CHDH: variants seen among roughly 807,000 people sequenced by gnomAD.
CHDH encodes choline dehydrogenase, mitochondrial.
In CHDH, 43 loss-of-function variants were observed where a neutral mutation model predicts 56.9. The ratio of observed to expected loss-of-function variants is 0.76; its 90% CI spans 0.59 to 0.97. The LOEUF (loss-of-function observed/expected upper bound fraction) is 0.97, where lower values mean the gene tolerates loss of function less well. Ranked by LOEUF, CHDH falls within the 50% of genes least tolerant of loss-of-function variation. The probability of loss-of-function intolerance (pLI) is 0.00; values close to 1 mark genes in which losing one functional copy is unlikely to be tolerated. For missense variants in CHDH, 816 were observed against 821.1 expected, an observed-to-expected ratio of 0.99 and a Z score of 0.08; for synonymous variants, 364 against 348.5, an observed-to-expected ratio of 1.04 and a Z score of -0.50.
At chr3:53,818,786 A>G in intron 8 of CHDH, 152 bp downstream of exon 8, 1 of 690,408 alleles carries the variant, frequency 1.4e-6, no homozygotes, top group Non-Finnish European at 2.7e-6. Context: ...CTGCCTATGC[A>G]AGTTTACAGC....
intron 2 of CHDH, among the ~76,000 whole-genome samples, chr3:53,833,557 G>A (rs561645062): frequency 1.3e-5 from 2 of 152,342 alleles, no homozygotes; most frequent in African/African-American, 2.4e-5. Flanking sequence ...AGGATGGAAG[G>A]TGGGCAGGAA....
At position 53,823,980 on chromosome 3, in the gene CHDH, C is replaced by T. The variant is rs781640035; in HGVS notation, c.29G>A (p.Arg10Gln). ...GGCTCCCCGTGCCAGGGCTCCAGGCCGGCCCAGGCCTCGTAGGAGACACCA... is the reference window on the plus strand; with the variant it reads ...GGCTCCCCGTGCCAGGGCTCCAGGCTGGCCCAGGCCTCGTAGGAGACACCA... MWCLLRGLG[R>Q]PGALARGALG... is the part of the protein sequence containing the mutation. The change falls in exon 3 of 9, where the codon CGG becomes CAG. Residue 10 changes from arginine (R) to glutamine (Q), a missense_variant. Transcript: ENST00000315251. 9 of 1,503,582 alleles carry T rather than the reference C, an allele frequency of 6.0e-6. No homozygotes were observed. The highest frequency in any genetic ancestry group is 5.1e-5 in the South Asian group (4 of 79,134). 93.1% of individuals were successfully genotyped at this position (1,503,582 alleles called of 1,614,324 possible). A position where few individuals can be genotyped will look rare whatever the true frequency, so the allele number is the denominator to read the frequency against.
intron 2 of CHDH, among the ~76,000 whole-genome samples, chr3:53,825,836 C>G (rs967195102): frequency 2.6e-5 from 4 of 151,326 alleles, no homozygotes; most frequent in African/African-American, 7.3e-5. Context: ...TGTAGCCAGA[C>G]AAAAAACATA....
chr3:53,837,350 C>T (rs1559761881), intron 2 of CHDH, among the ~76,000 whole-genome samples: 2 of 152,244 alleles, frequency 1.3e-5, no homozygotes, highest in African/African-American at 4.8e-5. Context: ...CCACTTGGCC[C>T]CTTGTGCCCT....
intron 2 of CHDH, 62 bp from the exon 3 acceptor site, chr3:53,824,129 C>A: frequency 2.0e-6 from 2 of 1,001,134 alleles, no homozygotes; most frequent in Non-Finnish European, 2.8e-6. Context: ...TGCTCACCAA[C>A]GGCCTGCCGG....
chr3:53,824,134 T>C (rs1008433023), intron 2 of CHDH, 67 bp from the exon 3 acceptor site: 9 of 961,544 alleles, frequency 9.4e-6, no homozygotes, highest in African/African-American at 5.2e-5. Flanking sequence ...ACCAACGGCC[T>C]GCCGGGACAG....
rs1272963877 is a variant in CHDH, at chr3:53,814,503, T to G, written c.*3274A>C. 1 of 152,188 alleles carries G rather than the reference T, an allele frequency of 6.6e-6. No homozygotes were observed. Among genetic ancestry groups the G allele is most frequent in the Non-Finnish European group, 1.5e-5 (1 of 68,038 alleles). 9.4% of individuals were successfully genotyped at this position (152,188 alleles called of 1,614,324 possible). On this transcript the variant is annotated 3_prime_UTR_variant, in exon 9 of 9. Transcript: ENST00000315251. ...AAGAGTGACAGGGTGGTCTCAGGGA[T>G]GTCCTGTGAGGGCAGCCTGAGCCAC...
At position 53,816,755 on chromosome 3, in the gene CHDH, T is replaced by TAA. The variant is rs964920875; in HGVS notation, c.*1020_*1021dup. ...GTAAAAGGAAAACCTTTTAAAATGCTAAGTCATAAAACCTTTGGTAGTGAA... is the reference window on the plus strand; with the variant it reads ...GTAAAAGGAAAACCTTTTAAAATGCTAAAAGTCATAAAACCTTTGGTAGTGAA... On this transcript the variant is annotated 3_prime_UTR_variant, in exon 9 of 9. Transcript: ENST00000315251. 14 of 151,976 alleles carry TAA rather than the reference T, an allele frequency of 9.2e-5. No individual in the cohort carries two copies. The highest frequency in any genetic ancestry group is 2.9e-4 in the African/African-American group (12 of 41,454). The allele number at this position is 151,976 out of a possible 1,614,324, so 9.4% of individuals were successfully genotyped here.
At chr3:53,824,097 T>C (rs2095634362) in intron 2 of CHDH, 30 bp from the exon 3 acceptor site, 1 of 1,271,404 alleles carries the variant, frequency 7.9e-7, no homozygotes, top group East Asian at 2.8e-5. Context: ...TTTAAAAATC[T>C]TAACTCCGCA....
chr3:53,843,910 A>G (rs1489157840), intron 1 of CHDH, among the ~76,000 whole-genome samples: 1 of 152,250 alleles, frequency 6.6e-6, no homozygotes, highest in East Asian at 1.9e-4. Context: ...CAAAGTCATC[A>G]GGCTTAGGCA....
In CHDH at chr3:53,817,065, C is replaced by G. The variant is rs1265640238; in HGVS notation, c.*712G>C. 6.6e-6 allele frequency: 1 copy of G among 152,498 alleles called. No homozygotes were observed. The highest frequency in any genetic ancestry group is 1.5e-5 in the Non-Finnish European group (1 of 68,402). 9.4% of individuals were successfully genotyped at this position (152,498 alleles called of 1,614,324 possible). A position where few individuals can be genotyped will look rare whatever the true frequency, so the allele number is the denominator to read the frequency against. ...TGTTGCCCAGGCTGGTCTTGAACTC[C>G]TGAGCTCAAGTGACCTTCCCAAAGT... On this transcript the variant is annotated 3_prime_UTR_variant, in exon 9 of 9. Coordinates refer to ENST00000315251, the MANE Select transcript of CHDH (RefSeq NM_018397.5).
intron 5 of CHDH, 90 bp downstream of exon 5, chr3:53,821,557 A>T: frequency 8.5e-7 from 1 of 1,173,174 alleles, no homozygotes; most frequent in Non-Finnish European, 1.2e-6. Flanking sequence ...GACTGCCACC[A>T]CCTCCCCACT....
chr3:53,829,611 G>T (rs775117035), intron 2 of CHDH, among the ~76,000 whole-genome samples: 17 of 152,026 alleles, frequency 1.1e-4, no homozygotes, highest in Non-Finnish European at 2.1e-4. Context: ...TTTGACTACC[G>T]ATAGCTTTCA....
rs927315231 is a variant in CHDH at position 53,817,618 on chromosome 3, C to T, written c.*159G>A. 11 of 633,324 alleles carry T rather than the reference C, an allele frequency of 1.7e-5. No individual in the cohort carries two copies. The highest frequency in any genetic ancestry group is 2.2e-5 in the Non-Finnish European group (8 of 370,694). 39.2% of individuals were successfully genotyped at this position (633,324 alleles called of 1,614,324 possible). A position where few individuals can be genotyped will look rare whatever the true frequency, so the allele number is the denominator to read the frequency against. The stretch of plus-strand genomic sequence containing the variant: ...TGGATTCACTGCCCAGTACTTGTCT[C>T]ATTTCCCAAGACTTTATCCAATTCT... On this transcript the variant is annotated 3_prime_UTR_variant, in exon 9 of 9. Coordinates refer to ENST00000315251, the MANE Select transcript of CHDH (RefSeq NM_018397.5).
Position 53,823,756 on chromosome 3 carries a change from A to T in CHDH, c.253T>A (p.Ser85Thr), listed in dbSNP as rs974370763. Reference protein sequence around the residue: ...KDVLAGSKRLSWKIHMPAALV... With the variant: ...KDVLAGSKRLTWKIHMPAALV... ...GCCGCGGGCATGTGGATCTTCCACG[A>T]GAGCCGCTTGCTCCCCGCGAGCACG... The change falls in exon 3 of 9, where the codon TCG becomes ACG. Residue 85 changes from serine to threonine, a missense_variant. Coordinates refer to ENST00000315251, the MANE Select transcript of CHDH (RefSeq NM_018397.5). 2 of 1,559,444 alleles carry T rather than the reference A, an allele frequency of 1.3e-6. No individual in the cohort carries two copies. Among genetic ancestry groups the T allele is most frequent in the Non-Finnish European group, 1.7e-6 (2 of 1,153,342 alleles).
In CHDH at chr3:53,822,653, G is replaced by C. The variant is rs1000885913; in HGVS notation, c.704-11C>G. On this transcript the variant is annotated splice_polypyrimidine_tract_variant and intron_variant, in intron 3 of 8. Transcript: ENST00000315251. Reference sequence around the variant, plus strand: ...CGCTCCACCGTTTGCCTGCAGGATGGAGTGAGGTGGTCAGGCATGGCTCCG... The same window carrying C: ...CGCTCCACCGTTTGCCTGCAGGATGCAGTGAGGTGGTCAGGCATGGCTCCG... 1 of 1,604,472 alleles carries C rather than the reference G, an allele frequency of 6.2e-7. No individual in the cohort carries two copies. The highest frequency in any genetic ancestry group is 1.3e-5 in the African/African-American group (1 of 74,866).
chr3:53,832,842 A>C lies in CHDH; in HGVS notation c.-60+8087T>G, dbSNP rs1376230546. ...GCTTCTGTTTGAGGTGATGCAAAAAAAATTGGAAACGGATAGTGGTGATGG... is the reference window on the plus strand; with the variant it reads ...GCTTCTGTTTGAGGTGATGCAAAAACAATTGGAAACGGATAGTGGTGATGG... On this transcript the variant is annotated intron_variant, in intron 2 of 8. Coordinates refer to ENST00000315251, the MANE Select transcript of CHDH (RefSeq NM_018397.5). Among the ~76,000 whole-genome samples the C allele has an allele frequency of 2.6e-5, 4 of 152,334 alleles. No homozygotes were observed. The East Asian group carries it at 7.7e-4, about 29-fold the overall frequency.
chr3:53,823,982 G>T lies in CHDH; in HGVS notation c.27C>A (p.Gly9=). 1.3e-6 allele frequency: 2 copies of T among 1,501,330 alleles called. No homozygotes were observed. Among genetic ancestry groups the T allele is most frequent in the Non-Finnish European group, 1.8e-6 (2 of 1,134,934 alleles). The allele number at this position is 1,501,330 out of a possible 1,614,324, so 93.0% of individuals were successfully genotyped here. A position where few individuals can be genotyped will look rare whatever the true frequency, so the allele number is the denominator to read the frequency against. The change falls in exon 3 of 9, where the codon GGC becomes GGA. Residue 9 remains glycine (G), a synonymous_variant. Transcript: ENST00000315251. ...CTCCCCGTGCCAGGGCTCCAGGCCG[G>T]CCCAGGCCTCGTAGGAGACACCACA... MWCLLRGL[G]RPGALARGAL... is the part of the protein sequence containing the mutation.
chr3:53,846,305 C>T lies in CHDH; in HGVS notation c.-353G>A, dbSNP rs538531199. 9 of 376,072 alleles carry T rather than the reference C, an allele frequency of 2.4e-5. No homozygotes were observed. The South Asian group carries it at 7.3e-4, about 30-fold the overall frequency. The allele number at this position is 376,072 out of a possible 1,614,324, so 23.3% of individuals were successfully genotyped here. ...GCGCGAAGCCCGAGGGCGGGTGCAGCTGATGCACCTGGCTCACTGCATGCA... is the reference window on the plus strand; with the variant it reads ...GCGCGAAGCCCGAGGGCGGGTGCAGTTGATGCACCTGGCTCACTGCATGCA... On this transcript the variant is annotated 5_prime_UTR_variant, in exon 1 of 9. Coordinates refer to ENST00000315251, the MANE Select transcript of CHDH (RefSeq NM_018397.5).
Sources: allele counts gnomAD v4.1 joint callset (sites outside exome capture counted in the v4.1 genomes callset), GRCh38; gene constraint gnomAD v4.1.1; transcripts MANE v1.5; gene names NCBI Gene and HGNC (gene_info 2026-07-23, HGNC 2026-07-21).